The following KLF2 variants were observed in gnomAD, a reference collection of about 807,000 sequenced individuals.
KLF2 encodes the protein KLF transcription factor 2.
Under a neutral mutation model 22.2 loss-of-function variants are expected in KLF2, and 9 were observed. The observed-to-expected ratio is 0.40, with a 90% CI of 0.24 to 0.71. The LOEUF (loss-of-function observed/expected upper bound fraction) is 0.71, where lower values mean the gene tolerates loss of function less well. Among genes scored for constraint, KLF2 ranks in the 30% least tolerant of loss-of-function variants. The pLI is 0.35. For synonymous variants in KLF2, 299 were observed against 264.2 expected (o/e 1.13, Z -1.28); for missense variants, 481 against 542.1 (o/e 0.89, Z 1.12).
rs2091896375 is a variant in KLF2 at position 16,328,372 on chromosome 19, G to A, written c.*1341G>A. Reference sequence around the variant, plus strand: ...CACCACCCCAAGTGTCTCAGGCAAGGAGGTATCTCTCCCCCCAGATTTCAC... The same window carrying A: ...CACCACCCCAAGTGTCTCAGGCAAGAAGGTATCTCTCCCCCCAGATTTCAC... On this transcript the variant is annotated 3_prime_UTR_variant, in exon 3 of 3. Transcript: ENST00000248071. Among the ~76,000 whole-genome samples, 1 of 152,066 alleles carries A rather than the reference G, an allele frequency of 6.6e-6. No individual in the cohort carries two copies.
In KLF2 at chr19:16,328,028, C is replaced by G. The variant is rs2145198630; in HGVS notation, c.*997C>G. On this transcript the variant is annotated 3_prime_UTR_variant, in exon 3 of 3. Transcript: ENST00000248071. ...TTTCTTAAGGGGTGAGTTCCCCATT[C>G]TGCTAGCGGAAAACAGTGAAACCTG... Among the ~76,000 whole-genome samples the G allele has an allele frequency of 6.6e-6, 1 of 151,078 alleles. No homozygotes were observed. Among genetic ancestry groups the G allele is most frequent in the East Asian group, 2.0e-4 (1 of 5,094 alleles).
chr19:16,325,845 G>A lies in KLF2; in HGVS notation c.705G>A (p.Ala235=). 4.9e-6 allele frequency: 7 copies of A among 1,414,958 alleles called. No homozygotes were observed. Among genetic ancestry groups the A allele is most frequent in the African/African-American group, 1.5e-5 (1 of 66,390 alleles). The allele number at this position is 1,414,958 out of a possible 1,614,324, so 87.7% of individuals were successfully genotyped here. A position where few individuals can be genotyped will look rare whatever the true frequency, so the allele number is the denominator to read the frequency against. ...AAAAAAALGL[A]PPAARGLLTP... ...CCGCCGCGGCAGCCCTGGGCCTGGC[G>A]CCCCCCGCCGCCCGCGGTCTCCTCA... The change falls in exon 2 of 3, where the codon GCG becomes GCA. Residue 235 remains alanine (A), a synonymous_variant. Coordinates refer to ENST00000248071, the MANE Select transcript of KLF2 (RefSeq NM_016270.4).
intron 2 of KLF2, among the ~76,000 whole-genome samples, chr19:16,326,261 G>A (rs1270808734): frequency 6.6e-6 from 1 of 150,922 alleles, no homozygotes; most frequent in Admixed American, 6.6e-5. Flanking sequence ...GGTTGGGGTG[G>A]GGGCTTGCAC....
Position 16,325,790 on chromosome 19 carries a change from C to T in KLF2, c.650C>T (p.Pro217Leu), listed in dbSNP as rs2091887846. Residue 217 changes from proline (P) to leucine (L), a missense_variant, in exon 2 of 3, where the codon CCA becomes CTA. By Grantham distance (98) the Pro-to-Leu change is moderately conservative. Transcript: ENST00000248071. The part of the protein sequence containing the change: ...PGLHYAPPAP[P>L]AFGLFDDAAA... ...CTGCATTACGCGCCGCCTGCGCCCC[C>T]AGCCTTCGGTCTCTTCGACGACGCG... The T allele has an allele frequency of 9.9e-6, 13 of 1,313,648 alleles. No individual in the cohort carries two copies. The highest frequency in any genetic ancestry group is 2.1e-5 in the South Asian group (1 of 47,172). The allele number at this position is 1,313,648 out of a possible 1,614,324, so 81.4% of individuals were successfully genotyped here. A position where few individuals can be genotyped will look rare whatever the true frequency, so the allele number is the denominator to read the frequency against.
Sources: gnomAD v4.1 joint callset for allele counts (sites outside exome capture counted in the v4.1 genomes callset) on GRCh38, gnomAD v4.1.1 for gene constraint, MANE v1.5 for transcripts, NCBI Gene and HGNC (gene_info 2026-07-23, HGNC 2026-07-21) for gene names.